Variants in ESRRG observed in about 807,000 individuals in gnomAD.
ESRRG encodes estrogen-related receptor gamma.
Under a neutral mutation model 44.0 loss-of-function variants are expected in ESRRG, and 13 were observed. The ratio of observed to expected loss-of-function variants is 0.30; its 90% CI spans 0.19 to 0.47. The LOEUF is 0.47. ESRRG is among the 20% of genes least tolerant of loss of function. ESRRG has a pLI of 1.00. For missense variants in ESRRG, 395 were observed against 580.6 expected, an observed-to-expected ratio of 0.68 and a Z score of 3.29; for synonymous variants, 215 against 214.6, an observed-to-expected ratio of 1.00 and a Z score of -0.02.
chr1:216,893,538 A>G (rs1264135648), intron 2 of ESRRG, among the ~76,000 whole-genome samples: 1 of 152,166 alleles, frequency 6.6e-6, no homozygotes, highest in Non-Finnish European at 1.5e-5. Flanking sequence ...TGTCTATGTC[A>G]TTTGTCCTAG....
At chr1:217,102,524 C>T (rs1335422358) in intron 1 of ESRRG, among the ~76,000 whole-genome samples, 1 of 152,148 alleles carries the variant, frequency 6.6e-6, no homozygotes, top group African/African-American at 2.4e-5. Flanking sequence ...TGCGTACTGC[C>T]TGGGCTAATG....
At chr1:216,997,233 T>G (rs755314696) in intron 1 of ESRRG, among the ~76,000 whole-genome samples, 8 of 152,210 alleles carry the variant, frequency 5.3e-5, no homozygotes, top group Non-Finnish European at 1.0e-4. Flanking sequence ...CCCATTAAAG[T>G]CATTCTAAAT....
chr1:216,899,350 G>A (rs900147433), intron 2 of ESRRG, among the ~76,000 whole-genome samples: 3 of 152,064 alleles, frequency 2.0e-5, no homozygotes, highest in African/African-American at 7.2e-5. Context: ...TCATATCATT[G>A]AGAAGTGATT....
intron 1 of ESRRG, among the ~76,000 whole-genome samples, chr1:216,702,619 A>AAAG (rs1477549832): frequency 3.3e-5 from 5 of 150,484 alleles, no homozygotes; most frequent in Admixed American, 2.0e-4. Flanking sequence ...AAAAAAAAAA[A>AAAG]AAAGAAAATT....
intron 2 of ESRRG, among the ~76,000 whole-genome samples, chr1:216,936,168 T>A (rs1180586859): frequency 6.6e-6 from 1 of 151,846 alleles, no homozygotes; most frequent in Non-Finnish European, 1.5e-5. Context: ...AATGTGAAGG[T>A]TGGGGGTGTT....
intron 5 of ESRRG, among the ~76,000 whole-genome samples, chr1:216,553,888 GT>G (rs931811143): frequency 2.6e-5 from 4 of 151,962 alleles, no homozygotes; most frequent in Non-Finnish European, 5.9e-5. Context: ...TTAAAAGTGT[GT>G]TTTTTTCTAA....
intron 2 of ESRRG, among the ~76,000 whole-genome samples, chr1:216,663,364 A>C (rs1384134948): frequency 6.6e-6 from 1 of 152,174 alleles, no homozygotes; most frequent in East Asian, 1.9e-4. Flanking sequence ...AATAGTATGC[A>C]CTGAAAAGAA....
chr1:216,680,764 C>A (rs2076903597), intron 1 of ESRRG, among the ~76,000 whole-genome samples: 1 of 152,192 alleles, frequency 6.6e-6, no homozygotes, highest in Non-Finnish European at 1.5e-5. Flanking sequence ...CTCTGAAATT[C>A]TACAGCTCTA....
intron 1 of ESRRG, among the ~76,000 whole-genome samples, chr1:216,690,026 T>C (rs937406462): frequency 1.3e-5 from 2 of 151,862 alleles, no homozygotes; most frequent in Non-Finnish European, 2.9e-5. Context: ...TGGGAGGGTA[T>C]AAAATTGGAA....
chr1:216,624,509 T>C (rs561873816), intron 3 of ESRRG, among the ~76,000 whole-genome samples: 2 of 152,328 alleles, frequency 1.3e-5, no homozygotes, highest in East Asian at 3.9e-4. Context: ...TTTTACGCCC[T>C]ACCTGGAACA....
At chr1:217,076,219 G>A (rs1316463151) in intron 1 of ESRRG, among the ~76,000 whole-genome samples, 1 of 152,088 alleles carries the variant, frequency 6.6e-6, no homozygotes, top group African/African-American at 2.4e-5. Flanking sequence ...GTGACTCTGA[G>A]CATCTTCATT....
chr1:216,959,633 G>A (rs1414728626), intron 1 of ESRRG: 1 of 152,042 alleles, frequency 6.6e-6, no homozygotes, highest in Non-Finnish European at 1.5e-5. Flanking sequence ...GCAGGAGTAA[G>A]CTCTGATTGT....
intron 1 of ESRRG, among the ~76,000 whole-genome samples, chr1:216,960,418 C>T (rs1560269540): frequency 6.6e-6 from 1 of 152,106 alleles, no homozygotes; most frequent in Non-Finnish European, 1.5e-5. Context: ...CATATCATTC[C>T]TTTGTTTTAA....
intron 3 of ESRRG, among the ~76,000 whole-genome samples, chr1:216,635,340 C>T (rs1390775850): frequency 6.6e-6 from 1 of 152,158 alleles, no homozygotes; most frequent in Non-Finnish European, 1.5e-5. Flanking sequence ...TCTAAGCTAC[C>T]CGCAGCTTTG....
intron 1 of ESRRG, 22 bp from the exon 2 acceptor site, chr1:216,677,513 G>T: frequency 6.4e-7 from 1 of 1,571,940 alleles, no homozygotes; most frequent in South Asian, 1.2e-5. Flanking sequence ...GAGATACAAA[G>T]AGAGACAGAA....
At chr1:217,124,028 T>C (rs562356066) in intron 1 of ESRRG, among the ~76,000 whole-genome samples, 2 of 152,332 alleles carry the variant, frequency 1.3e-5, no homozygotes, top group East Asian at 3.9e-4. Context: ...TGAGCCACTA[T>C]CACACCACAT....
intron 1 of ESRRG, among the ~76,000 whole-genome samples, chr1:217,129,560 A>G (rs2092936931): frequency 6.6e-6 from 1 of 152,238 alleles, no homozygotes; most frequent in Admixed American, 6.5e-5. Context: ...TCAGCTGATG[A>G]ATGTGTAAAC....
chr1:216,598,567 T>C (rs1343205914), intron 3 of ESRRG, among the ~76,000 whole-genome samples: 2 of 152,194 alleles, frequency 1.3e-5, no homozygotes, highest in South Asian at 2.1e-4. Flanking sequence ...AAATGGTGAA[T>C]TGAGGTGGCT....
intron 1 of ESRRG, among the ~76,000 whole-genome samples, chr1:217,125,767 T>C (rs986703517): frequency 5.3e-5 from 8 of 152,182 alleles, no homozygotes; most frequent in African/African-American, 1.9e-4. Flanking sequence ...AATATGTTGG[T>C]ATTTATTATT....
Sources: gnomAD v4.1 joint callset for allele counts (sites outside exome capture counted in the v4.1 genomes callset) on GRCh38, gnomAD v4.1.1 for gene constraint, MANE v1.5 for transcripts, NCBI Gene and HGNC (gene_info 2026-07-23, HGNC 2026-07-21) for gene names.